VAC14: variants seen among roughly 807,000 people sequenced by gnomAD.
VAC14 encodes the protein VAC14 component of PIKFYVE complex.
A neutral mutation model predicts 85.3 loss-of-function variants in VAC14; 47 were observed. That is an observed-to-expected ratio of 0.55 (90% CI 0.44 to 0.70). The LOEUF is 0.70. Ranked by LOEUF, VAC14 falls within the 30% of genes least tolerant of loss-of-function variation. The pLI is 0.00. For missense variants in VAC14, 861 were observed against 1,004.3 expected (o/e 0.86, Z 1.93); for synonymous variants, 447 against 430.5 (o/e 1.04, Z -0.47).
rs1433774347 is a variant in VAC14 at position 70,785,072 on chromosome 16, C to G, written c.424-234G>C. Among the ~76,000 whole-genome samples, 5 of 152,262 alleles carry G rather than the reference C, an allele frequency of 3.3e-5. No homozygotes were observed. In the East Asian group the frequency reaches 9.6e-4, roughly 29 times the overall value. ...TACCCTTCTGTTCAGGGACTTCTCC[C>G]ATGACCCGCTGGGGTTCCTGTTCCC... On this transcript the variant is annotated intron_variant, in intron 3 of 18. Transcript: ENST00000261776.
At position 70,785,843 on chromosome 16, in the gene VAC14, C is replaced by T; in HGVS notation, c.282G>A (p.Leu94=). 1.2e-6 allele frequency: 2 copies of T among 1,604,568 alleles called. No individual in the cohort carries two copies. The highest frequency in any genetic ancestry group is 1.7e-6 in the Non-Finnish European group (2 of 1,175,342). The change falls in exon 3 of 19, where the codon CTG becomes CTA. Residue 94 remains leucine, a synonymous_variant. Coordinates refer to ENST00000261776, the MANE Select transcript of VAC14 (RefSeq NM_018052.5). Reference sequence around the variant, plus strand: ...TGAAGCAGGTCAGCACTGGCTCGATCAGCTCCTTCAGGTAGAGCCCTGAGT... The same window carrying T: ...TGAAGCAGGTCAGCACTGGCTCGATTAGCTCCTTCAGGTAGAGCCCTGAGT... The part of the protein sequence containing the change: ...GKDSGLYLKE[L]IEPVLTCFND...
At chr16:70,745,482 A>T (rs990834973) in intron 12 of VAC14, among the ~76,000 whole-genome samples, 2 of 143,870 alleles carry the variant, frequency 1.4e-5, no homozygotes, top group African/African-American at 2.7e-5. Flanking sequence ...GAGGGGCTTC[A>T]GTGTGTGTGT....
intron 6 of VAC14, 115 bp from the exon 7 acceptor site, chr16:70,783,254 G>T: frequency 8.5e-7 from 1 of 1,174,704 alleles, no homozygotes; most frequent in Non-Finnish European, 1.2e-6. Flanking sequence ...TTGGCTTTTG[G>T]ACTTGTCAGG....
intron 3 of VAC14, 37 bp from the exon 4 acceptor site, chr16:70,784,875 G>A (rs535564698): frequency 8.8e-6 from 14 of 1,590,380 alleles, no homozygotes; most frequent in East Asian, 6.7e-5. Context: ...ACACAGAGGC[G>A]AGGGTCACGG....
intron 14 of VAC14, among the ~76,000 whole-genome samples, chr16:70,705,729 C>T (rs2053908497): frequency 6.6e-6 from 1 of 152,208 alleles, no homozygotes; most frequent in Non-Finnish European, 1.5e-5. Flanking sequence ...GCTGCCCTCC[C>T]CATGATGAAC....
chr16:70,717,460 T>C (rs7188599), intron 14 of VAC14, among the ~76,000 whole-genome samples: 3,746 of 152,296 alleles, frequency 0.025, 172 homozygotes, highest in African/African-American at 0.084. Flanking sequence ...TAAAAAAGTA[T>C]AGAATGTATT....
At chr16:70,748,411 T>TG (rs1322534560) in intron 12 of VAC14, among the ~76,000 whole-genome samples, 1 of 151,938 alleles carries the variant, frequency 6.6e-6, no homozygotes, top group East Asian at 1.9e-4. Context: ...TGATGATGCC[T>TG]GGGGGGGAGC....
At chr16:70,723,608 G>T (rs1204514111) in intron 14 of VAC14, among the ~76,000 whole-genome samples, 1 of 152,216 alleles carries the variant, frequency 6.6e-6, no homozygotes, top group Non-Finnish European at 1.5e-5. Context: ...AGAGAATACT[G>T]CAGGTCCCAT....
chr16:70,739,669 A>C (rs2030066563), intron 13 of VAC14, among the ~76,000 whole-genome samples: 1 of 152,182 alleles, frequency 6.6e-6, no homozygotes, highest in African/African-American at 2.4e-5. Flanking sequence ...CCAAAAAGCC[A>C]GCACGCGTGA....
At chr16:70,758,717 A>T (rs2032073280) in intron 12 of VAC14, among the ~76,000 whole-genome samples, 1 of 152,180 alleles carries the variant, frequency 6.6e-6, no homozygotes, top group Admixed American at 6.5e-5. Flanking sequence ...TCACCTCCCA[A>T]ACAGGGACCC....
intron 16 of VAC14, 73 bp downstream of exon 16, chr16:70,697,066 G>T: frequency 1.5e-6 from 2 of 1,295,256 alleles, no homozygotes; most frequent in Non-Finnish European, 2.2e-6. Context: ...CCGCCTGTTG[G>T]GTGGAAAGGG....
At chr16:70,725,652 C>T (rs2054406106) in intron 14 of VAC14, among the ~76,000 whole-genome samples, 3 of 152,202 alleles carry the variant, frequency 2.0e-5, no homozygotes, top group Admixed American at 6.5e-5. Context: ...CAGGCTGCCA[C>T]GCCTGTCTGT....
At chr16:70,781,803 G>C in intron 8 of VAC14, 66 bp downstream of exon 8, 1 of 1,583,520 alleles carries the variant, frequency 6.3e-7, no homozygotes, top group Non-Finnish European at 8.6e-7. Flanking sequence ...CCCCAGTGCA[G>C]GGTCCCTCAA....
chr16:70,724,246 C>A (rs550591886), intron 14 of VAC14, among the ~76,000 whole-genome samples: 1 of 152,210 alleles, frequency 6.6e-6, no homozygotes, highest in Non-Finnish European at 1.5e-5. Context: ...GAAAAGCCAT[C>A]CCTTGTTACA....
intron 18 of VAC14, chr16:70,688,863 A>G: frequency 1.0e-6 from 1 of 985,514 alleles, no homozygotes; most frequent in Non-Finnish European, 1.2e-6. Flanking sequence ...CTCACCCTCC[A>G]GCAGTGTCTC....
At chr16:70,780,671 GT>G in intron 9 of VAC14, 118 bp downstream of exon 9, 1 of 1,288,962 alleles carries the variant, frequency 7.8e-7, no homozygotes, top group South Asian at 1.5e-5. Flanking sequence ...CTACAATTGT[GT>G]GAGTGACATA....
At chr16:70,752,698 C>T (rs1028251343) in intron 12 of VAC14, among the ~76,000 whole-genome samples, 5 of 152,218 alleles carry the variant, frequency 3.3e-5, no homozygotes, top group African/African-American at 9.7e-5. Context: ...AGTCCCCGAG[C>T]GAAGGATGCA....
intron 13 of VAC14, among the ~76,000 whole-genome samples, chr16:70,741,795 GTC>G (rs2030338828): frequency 6.6e-6 from 1 of 152,250 alleles, no homozygotes; most frequent in Non-Finnish European, 1.5e-5. Context: ...TGGGGCAAGA[GTC>G]TCTACTGCCA....
chr16:70,778,440 G>A (rs557595962), intron 9 of VAC14: 1 of 151,452 alleles, frequency 6.6e-6, no homozygotes, highest in South Asian at 2.1e-4. Flanking sequence ...TTTTTAAATT[G>A]AGATATAATT....
Sources: allele counts gnomAD v4.1 joint callset (sites outside exome capture counted in the v4.1 genomes callset), GRCh38; gene constraint gnomAD v4.1.1; transcripts MANE v1.5; gene names NCBI Gene and HGNC (gene_info 2026-07-23, HGNC 2026-07-21).